Variants in SMIM35 observed in about 807,000 individuals in gnomAD.
SMIM35 encodes the protein small integral membrane protein 35, also known as TMPRSS4 antisense RNA 1 (non-protein coding).
intron 1 of SMIM35, among the ~76,000 whole-genome samples, chr11:118,017,528 A>G (rs1055520364): frequency 1.3e-5 from 2 of 152,186 alleles, no homozygotes; most frequent in Admixed American, 1.3e-4. Context: ...ACCATATTAG[A>G]GGGTGGTAAA....
intron 1 of SMIM35, among the ~76,000 whole-genome samples, chr11:118,073,092 G>A (rs747943072): frequency 3.9e-5 from 6 of 151,976 alleles, no homozygotes; most frequent in Non-Finnish European, 8.8e-5. Flanking sequence ...TAATTTTTTT[G>A]GTATTTTTAG....
chr11:118,020,135 G>A (rs144467268), intron 1 of SMIM35, among the ~76,000 whole-genome samples: 191 of 152,188 alleles, frequency 1.3e-3, no homozygotes, highest in African/African-American at 4.0e-3. Flanking sequence ...GTGTGGTAGC[G>A]GGCAAAGGTA....
intron 1 of SMIM35, among the ~76,000 whole-genome samples, chr11:118,018,328 G>A (rs1164204568): frequency 6.6e-6 from 1 of 152,182 alleles, no homozygotes; most frequent in Non-Finnish European, 1.5e-5. Context: ...TCTCTGGCTG[G>A]CTACTGTGTT....
chr11:118,054,120 G>C (rs915015466), intron 1 of SMIM35, among the ~76,000 whole-genome samples: 1 of 151,470 alleles, frequency 6.6e-6, no homozygotes, highest in Non-Finnish European at 1.5e-5. Flanking sequence ...TAGAGAGTTC[G>C]AATTTGTTTT....
intron 1 of SMIM35, among the ~76,000 whole-genome samples, chr11:118,076,466 A>C (rs4938476): frequency 0.27 from 41,391 of 151,906 alleles, 5,625 homozygotes; most frequent in Admixed American, 0.3. Flanking sequence ...AAAGAAAAAA[A>C]GAAAGAAAGA....
chr11:118,074,273 A>T (rs1944617250), intron 1 of SMIM35, among the ~76,000 whole-genome samples: 1 of 152,150 alleles, frequency 6.6e-6, no homozygotes, highest in African/African-American at 2.4e-5. Flanking sequence ...CTGGAAACAG[A>T]TAAGGAAAGG....
chr11:118,037,555 A>C (rs1943924969), intron 1 of SMIM35, among the ~76,000 whole-genome samples: 1 of 152,320 alleles, frequency 6.6e-6, no homozygotes, highest in Non-Finnish European at 1.5e-5. Flanking sequence ...ATTGATTAAC[A>C]TAATAACAGC....
rs2058114806 is a variant in SMIM35, at chr11:118,005,115, A to T, written c.*1295T>A. On this transcript the variant is annotated 3_prime_UTR_variant, in exon 5 of 5. Transcript: ENST00000689828. ...TGACCCTTGCCCTCCACCTCCCCACATCCCCTCTACCTGTCCCCTAAGGCA... is the reference window on the plus strand; with the variant it reads ...TGACCCTTGCCCTCCACCTCCCCACTTCCCCTCTACCTGTCCCCTAAGGCA... The T allele has an allele frequency of 6.6e-6, 1 of 152,092 alleles. No homozygotes were observed. The highest frequency in any genetic ancestry group is 1.5e-5 in the Non-Finnish European group (1 of 68,046). 9.4% of individuals were successfully genotyped at this position (152,092 alleles called of 1,614,324 possible).
In SMIM35 at chr11:118,005,440, A is replaced by G. The variant is rs17121510; in HGVS notation, c.*970T>C. 22,149 of 152,180 alleles carry G rather than the reference A, an allele frequency of 0.15. 1,929 individuals are homozygous for G. Among genetic ancestry groups the G allele is most frequent in the African/African-American group, 0.24 (9,896 of 41,464 alleles). The allele number at this position is 152,180 out of a possible 1,614,324, so 9.4% of individuals were successfully genotyped here. On this transcript the variant is annotated 3_prime_UTR_variant, in exon 5 of 5. Transcript: ENST00000689828. ...GGATGCTGGTGGCTTCCAAATGTCC[A>G]AACAGGGTTTCTCTCCAGAACTCTA... is the stretch of plus-strand genomic sequence containing the variant.
chr11:118,030,247 C>A (rs1022705300), intron 1 of SMIM35, among the ~76,000 whole-genome samples: 9 of 152,026 alleles, frequency 5.9e-5, no homozygotes, highest in Admixed American at 5.9e-4. Context: ...GTTGGCCAGG[C>A]TGGTTTTGAA....
At chr11:118,028,465 T>G (rs1439725827) in intron 1 of SMIM35, among the ~76,000 whole-genome samples, 1 of 152,208 alleles carries the variant, frequency 6.6e-6, no homozygotes, top group Non-Finnish European at 1.5e-5. Flanking sequence ...CCTTAGAGAT[T>G]TTGTGTAGTT....
At chr11:118,053,646 T>C (rs563204994) in intron 1 of SMIM35, among the ~76,000 whole-genome samples, 288 of 152,320 alleles carry the variant, frequency 1.9e-3, no homozygotes, top group Non-Finnish European at 3.6e-3. Flanking sequence ...TCCTTGGACA[T>C]CCAGCATAGC....
At chr11:118,085,425 A>C (rs1256578581) in intron 1 of SMIM35, among the ~76,000 whole-genome samples, 1 of 151,826 alleles carries the variant, frequency 6.6e-6, no homozygotes, top group Non-Finnish European at 1.5e-5. Context: ...GGGTTTCACT[A>C]TGTTGGCCAG....
intron 1 of SMIM35, among the ~76,000 whole-genome samples, chr11:118,061,948 G>A (rs767834730): frequency 4.6e-5 from 7 of 152,038 alleles, no homozygotes; most frequent in Admixed American, 2.0e-4. Flanking sequence ...CAACTGCCTC[G>A]GTCCAAGTTC....
At chr11:118,032,622 A>G (rs549477262) in intron 1 of SMIM35, among the ~76,000 whole-genome samples, 1 of 152,084 alleles carries the variant, frequency 6.6e-6, no homozygotes, top group Non-Finnish European at 1.5e-5. Flanking sequence ...AAACAAATAC[A>G]GGAGGCTGGG....
chr11:118,025,169 T>C (rs181970796), intron 1 of SMIM35, among the ~76,000 whole-genome samples: 221 of 152,354 alleles, frequency 1.5e-3, no homozygotes, highest in African/African-American at 5.0e-3. Flanking sequence ...CACTCCACTG[T>C]TGATGGGCAC....
At position 118,005,431 on chromosome 11, in the gene SMIM35, CA is replaced by C. The variant is rs1419798209; in HGVS notation, c.*978del. 6.6e-6 allele frequency: 1 copy of C among 152,246 alleles called. No individual in the cohort carries two copies. Among genetic ancestry groups the C allele is most frequent in the Non-Finnish European group, 1.5e-5 (1 of 68,100 alleles). 9.4% of individuals were successfully genotyped at this position (152,246 alleles called of 1,614,324 possible). A position where few individuals can be genotyped will look rare whatever the true frequency, so the allele number is the denominator to read the frequency against. On this transcript the variant is annotated 3_prime_UTR_variant, in exon 5 of 5. Coordinates refer to ENST00000689828, the MANE Select transcript of SMIM35 (RefSeq NM_001394165.1). ...GTGTTATCTGGATGCTGGTGGCTTC[CA>C]AATGTCCAAACAGGGTTTCTCTCCA...
At chr11:118,011,070 C>T (rs370994364) in intron 4 of SMIM35, among the ~76,000 whole-genome samples, 8 of 152,336 alleles carry the variant, frequency 5.3e-5, no homozygotes, top group East Asian at 1.9e-4. Context: ...AAGCTGTGCT[C>T]GCCAGTAGCC....
chr11:118,020,138 C>G (rs987115037), intron 1 of SMIM35, among the ~76,000 whole-genome samples: 2 of 152,036 alleles, frequency 1.3e-5, no homozygotes, highest in Non-Finnish European at 2.9e-5. Context: ...TGGTAGCGGG[C>G]AAAGGTAATC....
Sources: allele counts gnomAD v4.1 joint callset (sites outside exome capture counted in the v4.1 genomes callset), GRCh38; gene constraint gnomAD v4.1.1; transcripts MANE v1.5; gene names NCBI Gene and HGNC (gene_info 2026-07-23, HGNC 2026-07-21).